The following CACNA2D3 variants were observed in gnomAD, a reference collection of about 807,000 sequenced individuals.
The protein encoded by CACNA2D3 is voltage-dependent calcium channel subunit alpha-2/delta-3.
Under a neutral mutation model 160.6 loss-of-function variants are expected in CACNA2D3, and 60 were observed. The ratio of observed to expected loss-of-function variants is 0.37; its 90% CI spans 0.30 to 0.46. The LOEUF (loss-of-function observed/expected upper bound fraction) is 0.46. Ranked by LOEUF, CACNA2D3 falls within the 20% of genes least tolerant of loss-of-function variation. The pLI, the probability that CACNA2D3 is intolerant of heterozygous loss-of-function variation, is 1.00. For missense variants in CACNA2D3, 1,205 were observed against 1,365.0 expected (o/e 0.88, Z 1.85); for synonymous variants, 558 against 492.9 (o/e 1.13, Z -1.75).
At chr3:54,810,382 C>T (rs1426957323) in intron 13 of CACNA2D3, among the ~76,000 whole-genome samples, 1 of 152,178 alleles carries the variant, frequency 6.6e-6, no homozygotes, top group Admixed American at 6.5e-5. Flanking sequence ...TCATCAGAGA[C>T]CCCTTGGCAT....
chr3:54,935,355 T>A (rs974945880), intron 27 of CACNA2D3, among the ~76,000 whole-genome samples: 4 of 152,184 alleles, frequency 2.6e-5, no homozygotes, highest in African/African-American at 9.7e-5. Flanking sequence ...TCAGGACATG[T>A]GTAAAGATAA....
intron 17 of CACNA2D3, among the ~76,000 whole-genome samples, chr3:54,860,549 G>T (rs538707412): frequency 2.0e-5 from 3 of 152,164 alleles, no homozygotes; most frequent in Non-Finnish European, 4.4e-5. Flanking sequence ...TGTTATGTTC[G>T]TATATATTTA....
chr3:54,761,494 C>T (rs1056434652), intron 12 of CACNA2D3, among the ~76,000 whole-genome samples: 3 of 152,202 alleles, frequency 2.0e-5, no homozygotes, highest in African/African-American at 7.2e-5. Flanking sequence ...GTGTATGTGG[C>T]ATGTTCCCTA....
rs1575416938 is a variant in CACNA2D3 at position 54,365,635 on chromosome 3, G to A, written c.322-21080G>A. ...TCCCAGCACTTTGGGAGGCCAAGGTGGGCAGATCACCTGAGATTGGGAGTT... is the reference window on the plus strand; with the variant it reads ...TCCCAGCACTTTGGGAGGCCAAGGTAGGCAGATCACCTGAGATTGGGAGTT... On this transcript the variant is annotated intron_variant, in intron 3 of 37. Coordinates refer to ENST00000474759, the MANE Select transcript of CACNA2D3 (RefSeq NM_018398.3). Among the ~76,000 whole-genome samples, 3 of 152,266 alleles carry A rather than the reference G, an allele frequency of 2.0e-5. No individual in the cohort carries two copies. In the East Asian group the frequency reaches 5.8e-4, roughly 29 times the overall value.
chr3:55,018,547 G>T (rs111965622), intron 35 of CACNA2D3, among the ~76,000 whole-genome samples: 2,572 of 152,282 alleles, frequency 0.017, 63 homozygotes, highest in African/African-American at 0.058. Flanking sequence ...TGCAGTATAG[G>T]AGATTTGTAG....
chr3:54,183,823 T>C (rs1358160878), intron 2 of CACNA2D3, among the ~76,000 whole-genome samples: 5 of 143,214 alleles, frequency 3.5e-5, no homozygotes, highest in African/African-American at 5.3e-5. Context: ...AGGCAGAGTT[T>C]GCAGTGAGCT....
intron 2 of CACNA2D3, among the ~76,000 whole-genome samples, chr3:54,274,566 T>C (rs1342216754): frequency 1.3e-5 from 2 of 152,258 alleles, no homozygotes; most frequent in African/African-American, 2.4e-5. Flanking sequence ...TATTGTTGTA[T>C]TGCAAAAATT....
At chr3:54,682,269 T>G (rs1451907427) in intron 11 of CACNA2D3, among the ~76,000 whole-genome samples, 1 of 152,144 alleles carries the variant, frequency 6.6e-6, no homozygotes, top group Non-Finnish European at 1.5e-5. Flanking sequence ...GGCATAATTA[T>G]ATGCAGACTT....
intron 4 of CACNA2D3, among the ~76,000 whole-genome samples, chr3:54,463,006 A>G (rs1051065248): frequency 2.2e-4 from 33 of 151,234 alleles, no homozygotes; most frequent in Middle Eastern, 6.8e-3. Context: ...GCTTGTCTTT[A>G]AAGTATTTTA....
chr3:54,870,041 G>A (rs1413058848), intron 17 of CACNA2D3, among the ~76,000 whole-genome samples: 2 of 152,298 alleles, frequency 1.3e-5, no homozygotes, highest in Non-Finnish European at 2.9e-5. Context: ...GCCATAGGAG[G>A]CTAGGCACCA....
At chr3:54,377,199 G>A (rs1699027002) in intron 3 of CACNA2D3, among the ~76,000 whole-genome samples, 1 of 152,148 alleles carries the variant, frequency 6.6e-6, no homozygotes, top group Non-Finnish European at 1.5e-5. Context: ...TTCCATAAAG[G>A]CCTTTGCCTC....
intron 4 of CACNA2D3, among the ~76,000 whole-genome samples, chr3:54,462,418 T>C (rs1335501426): frequency 1.3e-5 from 2 of 152,194 alleles, no homozygotes; most frequent in Non-Finnish European, 2.9e-5. Flanking sequence ...CTAAGTCTCT[T>C]TGTATGTCAC....
At chr3:54,322,872 A>C (rs1287501893) in intron 3 of CACNA2D3, among the ~76,000 whole-genome samples, 1 of 152,200 alleles carries the variant, frequency 6.6e-6, no homozygotes, top group African/African-American at 2.4e-5. Flanking sequence ...AGAAGAAAAA[A>C]ATAAGTTGCT....
At chr3:54,292,925 C>T (rs6792594) in intron 2 of CACNA2D3, among the ~76,000 whole-genome samples, 32,550 of 151,972 alleles carry the variant, frequency 0.21, 3,639 homozygotes, top group East Asian at 0.32. Context: ...GGAAACAGCC[C>T]GAATGTGCAT....
intron 4 of CACNA2D3, among the ~76,000 whole-genome samples, chr3:54,488,504 C>T (rs1460287782): frequency 6.6e-6 from 1 of 152,052 alleles, no homozygotes; most frequent in East Asian, 1.9e-4. Context: ...CACAATAGCC[C>T]AGGCCCTTGG....
intron 9 of CACNA2D3, chr3:54,626,576 C>T: frequency 6.4e-7 from 1 of 1,569,380 alleles, no homozygotes; most frequent in Non-Finnish European, 8.8e-7. Context: ...TTCTCCATCA[C>T]CTACAAGCCC....
chr3:54,405,326 T>C (rs961488792), intron 4 of CACNA2D3, among the ~76,000 whole-genome samples: 3 of 148,474 alleles, frequency 2.0e-5, no homozygotes, highest in African/African-American at 7.4e-5. Flanking sequence ...AAAATTATAT[T>C]ACGAAGCATA....
chr3:54,634,500 G>A (rs1057332121), intron 10 of CACNA2D3: 1 of 152,170 alleles, frequency 6.6e-6, no homozygotes, highest in African/African-American at 2.4e-5. Context: ...GCGTCTGTGT[G>A]AAGAGACCAC....
intron 2 of CACNA2D3, among the ~76,000 whole-genome samples, chr3:54,148,557 C>T (rs1339009853): frequency 2.0e-5 from 3 of 152,002 alleles, no homozygotes; most frequent in African/African-American, 7.3e-5. Flanking sequence ...ATAGGTGAAG[C>T]GAAAAAGGAG....
Sources: allele counts gnomAD v4.1 joint callset (sites outside exome capture counted in the v4.1 genomes callset), GRCh38; gene constraint gnomAD v4.1.1; transcripts MANE v1.5; gene names NCBI Gene and HGNC (gene_info 2026-07-23, HGNC 2026-07-21).